The following XKRX variants were observed in gnomAD, a reference collection of about 807,000 sequenced individuals.
XKRX encodes XK-related protein 2.
In XKRX, 11 loss-of-function variants were observed where a neutral mutation model predicts 22.4. The observed-to-expected ratio is 0.49, with a 90% confidence interval of 0.31 to 0.81. The LOEUF is 0.81. XKRX is among the 40% of genes least tolerant of loss of function. The probability of loss-of-function intolerance (pLI) is 0.05; values close to 1 mark genes in which losing one functional copy is unlikely to be tolerated. For missense variants in XKRX, 320 were observed against 336.5 expected (o/e 0.95, Z 0.38); for synonymous variants, 114 against 132.2 (o/e 0.86, Z 0.94).
intron 1 of XKRX, among the ~76,000 whole-genome samples, chrX:100,927,479 AT>A (rs746409234): frequency 1.8e-5 from 2 of 109,958 alleles, no homozygotes; most frequent in Non-Finnish European, 3.8e-5. Flanking sequence ...GCCTATAAAA[AT>A]TTTTTTTTAA....
the XKRX span, among the ~76,000 whole-genome samples, chrX:100,941,781 T>A: frequency 8.9e-6 from 1 of 112,123 alleles, no homozygotes; most frequent in Non-Finnish European, 1.9e-5. Flanking sequence ...ATATGTATCC[T>A]GAGAACAAAA....
the XKRX span, among the ~76,000 whole-genome samples, chrX:100,946,075 A>G: frequency 9.3e-6 from 1 of 107,650 alleles, no homozygotes; most frequent in East Asian, 2.9e-4. Flanking sequence ...AATCCCAGCT[A>G]CTCGGGAGGC....
At chrX:100,929,785 T>A (rs764838125), upstream of XKRX, among the ~76,000 whole-genome samples, 2 of 111,506 alleles carry the variant, frequency 1.8e-5, no homozygotes, top group Admixed American at 1.9e-4. Context: ...GGTTGAAAGG[T>A]TATGAAGAGG....
At chrX:100,891,695 A>G in the XKRX span, among the ~76,000 whole-genome samples, 1 of 105,830 alleles carries the variant, frequency 9.4e-6, no homozygotes, top group Non-Finnish European at 1.9e-5. Context: ...GTTTGAGACC[A>G]GCCTTGGCAA....
the XKRX span, chrX:100,957,258 A>C: frequency 1.0e-6 from 1 of 982,356 alleles, no homozygotes. Flanking sequence ...TAGATTTGAC[A>C]TGGAAGTGAA....
chrX:100,888,452 C>G, the XKRX span: 1 of 1,000,895 alleles, frequency 1.0e-6, no homozygotes, highest in Non-Finnish European at 1.4e-6. Context: ...GTTTGGATCT[C>G]TCATTACCGC....
chrX:100,940,878 T>G, the XKRX span, among the ~76,000 whole-genome samples: 1 of 111,779 alleles, frequency 8.9e-6, no homozygotes, highest in Non-Finnish European at 1.9e-5. Context: ...TATTTTAGAA[T>G]AGTCATTGTC....
At chrX:100,947,451 GA>G in the XKRX span, among the ~76,000 whole-genome samples, 1 of 112,198 alleles carries the variant, frequency 8.9e-6, no homozygotes, top group Admixed American at 9.5e-5. Context: ...TGAAGGGTGG[GA>G]ACTATGTATT....
chrX:100,907,038 CAT>C, the XKRX span, among the ~76,000 whole-genome samples: 2 of 111,637 alleles, frequency 1.8e-5, no homozygotes, highest in Non-Finnish European at 3.8e-5. Context: ...AGCTATGTAA[CAT>C]AACATATTCA....
At chrX:100,888,140 G>A in the XKRX span, 4 of 1,168,933 alleles carry the variant, frequency 3.4e-6, no homozygotes, top group South Asian at 5.3e-5. Flanking sequence ...GGTCGTCAAA[G>A]GTTACAAAGG....
intron 2 of XKRX, among the ~76,000 whole-genome samples, chrX:100,915,707 TGC>T (rs1556190722): frequency 7.4e-5 from 7 of 94,886 alleles, no homozygotes; most frequent in East Asian, 3.4e-4. Flanking sequence ...TGTGTGTGTG[TGC>T]GTGTGTGTGT....
In XKRX at chrX:100,926,678, C is replaced by A. The variant is rs190969613; in HGVS notation, c.335+1292G>T. On this transcript the variant is annotated intron_variant, in intron 1 of 2. Coordinates refer to ENST00000372956, the MANE Select transcript of XKRX (RefSeq NM_212559.3). The stretch of plus-strand genomic sequence containing the variant: ...TCATAAGTTTTGCAACATCTCTCTA[C>A]CTTGAAAACCCCATAGCATCCAGAT... 2.7e-5 allele frequency among the ~76,000 whole-genome samples: 3 copies of A among 111,620 alleles called. No individual in the cohort carries two copies. In the Admixed American group the frequency reaches 2.9e-4, roughly 11 times the overall value.
the XKRX span, among the ~76,000 whole-genome samples, chrX:100,900,631 G>A: frequency 7.4e-5 from 8 of 108,242 alleles, no homozygotes; most frequent in Admixed American, 2.0e-4. Context: ...CCGAGACCTC[G>A]CTTCTGTAAA....
chrX:100,890,751 T>C, the XKRX span, among the ~76,000 whole-genome samples: 2 of 111,716 alleles, frequency 1.8e-5, no homozygotes, highest in African/African-American at 6.5e-5. Flanking sequence ...GTCTGAGGCC[T>C]AGATGCCATT....
the XKRX span, among the ~76,000 whole-genome samples, chrX:100,938,546 T>G: frequency 0.01 from 1,157 of 111,433 alleles, 23 homozygotes; most frequent in African/African-American, 0.036. Context: ...GGAGAATCGC[T>G]TGAACCCGGG....
At chrX:100,917,548 G>A (rs1020084445) in intron 2 of XKRX, among the ~76,000 whole-genome samples, 2 of 97,201 alleles carry the variant, frequency 2.1e-5, no homozygotes, top group South Asian at 1.1e-3. Context: ...AGGAAGGGAG[G>A]AAGACAGAAA....
At chrX:100,927,949 A>C (rs770728623) in intron 1 of XKRX, 21 bp downstream of exon 1, 1 of 1,166,884 alleles carries the variant, frequency 8.6e-7, no homozygotes, top group South Asian at 2.1e-5. Flanking sequence ...GGGGTAAGGA[A>C]AAGATTTAAA....
At chrX:100,910,747 C>T (rs746225530), downstream of XKRX, 17 of 729,000 alleles carry the variant, frequency 2.3e-5, no homozygotes, top group South Asian at 1.4e-4. Context: ...ACACTGTAAA[C>T]GCTATGGATA....
chrX:100,930,328 G>A (rs867250713), upstream of XKRX, among the ~76,000 whole-genome samples: 172 of 97,770 alleles, frequency 1.8e-3, no homozygotes, highest in Middle Eastern at 0.01. Flanking sequence ...TAATAATAAT[G>A]ATGATTATGT....
Sources: allele counts gnomAD v4.1 joint callset (sites outside exome capture counted in the v4.1 genomes callset), GRCh38; gene constraint gnomAD v4.1.1; transcripts MANE v1.5; gene names NCBI Gene and HGNC (gene_info 2026-07-23, HGNC 2026-07-21).